KIF27: variants seen among roughly 807,000 people sequenced by gnomAD.
KIF27 encodes the protein kinesin-like protein KIF27.
A neutral mutation model predicts 141.8 loss-of-function variants in KIF27; 84 were observed. The observed-to-expected ratio is 0.59, with a 90% confidence interval of 0.50 to 0.71. The LOEUF (loss-of-function observed/expected upper bound fraction) is 0.71. Among genes scored for constraint, KIF27 ranks in the 30% least tolerant of loss-of-function variants. The pLI is 0.00. For synonymous variants in KIF27, 471 were observed against 569.5 expected (o/e 0.83, Z 2.46); for missense variants, 1,306 against 1,628.4 (o/e 0.80, Z 3.41).
chr9:83,907,500 G>A (rs1231936716), intron 3 of KIF27, among the ~76,000 whole-genome samples: 5 of 151,874 alleles, frequency 3.3e-5, no homozygotes, highest in African/African-American at 1.2e-4. Context: ...AACCAGAAAA[G>A]CATAAATTGT....
At chr9:83,869,723 T>C (rs1414822374) in intron 12 of KIF27, among the ~76,000 whole-genome samples, 1 of 151,966 alleles carries the variant, frequency 6.6e-6, no homozygotes, top group African/African-American at 2.4e-5. Context: ...CGAGACTCTG[T>C]CTCAAAAAAA....
chr9:83,847,053 A>G (rs1947373849), intron 16 of KIF27, among the ~76,000 whole-genome samples: 1 of 152,194 alleles, frequency 6.6e-6, no homozygotes, highest in Non-Finnish European at 1.5e-5. Flanking sequence ...ACTGGAAACT[A>G]CAACAGCCCA....
chr9:83,838,967 G>T (rs1190503691), intron 17 of KIF27, among the ~76,000 whole-genome samples: 2 of 152,160 alleles, frequency 1.3e-5, no homozygotes, highest in Non-Finnish European at 2.9e-5. Context: ...CCCAAACTCT[G>T]CAGTACATCA....
intron 12 of KIF27, among the ~76,000 whole-genome samples, chr9:83,870,032 A>G (rs1950640690): frequency 6.6e-6 from 1 of 152,202 alleles, no homozygotes; most frequent in Admixed American, 6.5e-5. Context: ...AATTTAAGAA[A>G]AGAAAAATAA....
At position 83,860,176 on chromosome 9, in the gene KIF27, G is replaced by T. The variant is rs555393640; in HGVS notation, c.2935-805C>A. On this transcript the variant is annotated intron_variant, in intron 13 of 17. Coordinates refer to ENST00000297814, the MANE Select transcript of KIF27 (RefSeq NM_017576.4). ...AATATCAGGTAATTTGTAAATTACT[G>T]TTCACAGTAATTATTTGTATATACT... The T allele has an allele frequency of 3.7e-3, 562 of 152,184 alleles. 5 individuals are homozygous for T. The highest frequency in any genetic ancestry group is 0.013 in the African/African-American group (532 of 41,524). The allele number at this position is 152,184 out of a possible 1,614,324, so 9.4% of individuals were successfully genotyped here.
rs201289514 is a variant in KIF27 at position 83,859,172 on chromosome 9, C to G, written c.3134G>C (p.Arg1045Thr). ...HNVDEKLKNG[R>T]VLSPEEEHVL... ...CTGACTTACTTCAGGTGATAACACT[C>G]TACCATTTTTAAGTTTTTCATCCAC... Residue 1045 changes from arginine (R) to threonine (T), a missense_variant, in exon 14 of 18, where the codon AGA becomes ACA. Transcript: ENST00000297814. 1.1e-5 allele frequency: 17 copies of G among 1,612,600 alleles called. No individual in the cohort carries two copies. The Admixed American group carries it at 1.7e-4, about 16-fold the overall frequency.
intron 15 of KIF27, among the ~76,000 whole-genome samples, chr9:83,851,045 C>G (rs1171029446): frequency 2.0e-5 from 3 of 151,046 alleles, no homozygotes; most frequent in Admixed American, 6.6e-5. Context: ...ACCGTGTTAG[C>G]TAGGATGGTC....
chr9:83,848,173 T>C (rs556888202), intron 16 of KIF27, among the ~76,000 whole-genome samples: 1 of 68,514 alleles, frequency 1.5e-5, no homozygotes, highest in African/African-American at 7.6e-5. Context: ...ATATATCTGA[T>C]ATATCATATA....
chr9:83,891,574 T>C, intron 5 of KIF27, 73 bp from the exon 6 acceptor site: 2 of 1,387,928 alleles, frequency 1.4e-6, no homozygotes, highest in Middle Eastern at 2.1e-4. Context: ...AAAAATGAAT[T>C]TTACATTGAC....
chr9:83,863,489 C>T (rs1292653754), intron 13 of KIF27, among the ~76,000 whole-genome samples: 3 of 152,020 alleles, frequency 2.0e-5, no homozygotes, highest in Non-Finnish European at 2.9e-5. Flanking sequence ...TATTGATTTG[C>T]GTATGTTGAA....
intron 5 of KIF27, among the ~76,000 whole-genome samples, chr9:83,892,417 T>C (rs1444145066): frequency 6.6e-6 from 1 of 151,910 alleles, no homozygotes; most frequent in Non-Finnish European, 1.5e-5. Flanking sequence ...GTATACTCTC[T>C]AGGATAACCA....
At chr9:83,900,796 C>T (rs533415568) in intron 4 of KIF27, among the ~76,000 whole-genome samples, 1 of 151,402 alleles carries the variant, frequency 6.6e-6, no homozygotes, top group African/African-American at 2.4e-5. Flanking sequence ...CTCCAACATT[C>T]AAGCTTCCAA....
intron 2 of KIF27, among the ~76,000 whole-genome samples, chr9:83,910,860 G>C (rs540253373): frequency 2.6e-5 from 4 of 151,976 alleles, no homozygotes; most frequent in African/African-American, 9.7e-5. Flanking sequence ...CTTCTACATC[G>C]GTGTTCACAG....
chr9:83,870,083 G>A (rs767655671), intron 12 of KIF27, among the ~76,000 whole-genome samples: 6 of 152,068 alleles, frequency 3.9e-5, no homozygotes, highest in African/African-American at 7.2e-5. Flanking sequence ...GCATTTGGGC[G>A]GCATCTAGTG....
In KIF27 at chr9:83,848,132, C is replaced by G. The variant is rs1320956118; in HGVS notation, c.3556+1967G>C. On this transcript the variant is annotated intron_variant, in intron 16 of 17. Transcript: ENST00000297814. ...CTCATATCTGATATATCTGATATCT[C>G]ATATATGATATATCTGATATATCAT... Among the ~76,000 whole-genome samples the G allele has an allele frequency of 5.3e-5, 2 of 38,018 alleles. 1 individual carries two copies. The highest frequency in any genetic ancestry group is 3.0e-4 in the African/African-American group (2 of 6,638). The allele number at this position is 38,018 out of a possible 152,430, so 24.9% of individuals were successfully genotyped here. A position where few individuals can be genotyped will look rare whatever the true frequency, so the allele number is the denominator to read the frequency against.
intron 5 of KIF27, among the ~76,000 whole-genome samples, chr9:83,895,429 C>T (rs113873085): frequency 5.3e-5 from 8 of 152,186 alleles, no homozygotes; most frequent in African/African-American, 1.9e-4. Context: ...ATTAAAAATA[C>T]CTATAGAAAA....
chr9:83,918,268 G>A (rs1021623076), intron 1 of KIF27, among the ~76,000 whole-genome samples: 22 of 132,072 alleles, frequency 1.7e-4, no homozygotes, highest in Non-Finnish European at 3.1e-4. Flanking sequence ...CTATAATGTG[G>A]ACAGCAGAGC....
At chr9:83,884,373 C>T (rs1285838432) in intron 9 of KIF27, among the ~76,000 whole-genome samples, 1 of 152,084 alleles carries the variant, frequency 6.6e-6, no homozygotes, top group Non-Finnish European at 1.5e-5. Flanking sequence ...GCTTAGTATA[C>T]TCCAGCCTCC....
At chr9:83,884,562 T>C (rs913315028) in intron 9 of KIF27, among the ~76,000 whole-genome samples, 3 of 152,210 alleles carry the variant, frequency 2.0e-5, no homozygotes, top group African/African-American at 7.2e-5. Flanking sequence ...TATAAAGCAA[T>C]CCCAAATGTC....
Sources: allele counts gnomAD v4.1 joint callset (sites outside exome capture counted in the v4.1 genomes callset), GRCh38; gene constraint gnomAD v4.1.1; transcripts MANE v1.5; gene names NCBI Gene and HGNC (gene_info 2026-07-23, HGNC 2026-07-21).